RALYL: variants seen among roughly 807,000 people sequenced by gnomAD.
RALYL encodes the protein RALY RNA binding protein like.
RALYL carries 29 observed loss-of-function variants against 35.1 expected under a neutral mutation model. The ratio of observed to expected loss-of-function variants is 0.83; its 90% CI spans 0.61 to 1.13. The LOEUF is 1.13. Ranked by LOEUF, RALYL falls within the 50% of genes most tolerant of loss-of-function variation. The pLI is 0.00. For missense variants in RALYL, 359 were observed against 360.4 expected (o/e 1.00, Z 0.03); for synonymous variants, 120 against 127.6 (o/e 0.94, Z 0.40).
intron 2 of RALYL, among the ~76,000 whole-genome samples, chr8:84,543,213 C>T (rs2060129725): frequency 6.6e-6 from 1 of 151,422 alleles, no homozygotes; most frequent in Non-Finnish European, 1.5e-5. Context: ...ATTTTCTCTC[C>T]TTTTTTGGTG....
chr8:84,722,617 T>TTATATATATATATATA (rs71823678), intron 2 of RALYL, among the ~76,000 whole-genome samples: 60 of 97,330 alleles, frequency 6.2e-4, no homozygotes, highest in African/African-American at 2.4e-3. Flanking sequence ...TAGAGTGATT[T>TTATATATATATATATA]TATATATATA....
At chr8:84,696,442 C>A (rs1187726868) in intron 2 of RALYL, among the ~76,000 whole-genome samples, 1 of 151,772 alleles carries the variant, frequency 6.6e-6, no homozygotes, top group Non-Finnish European at 1.5e-5. Context: ...ACAAACGTTT[C>A]TTTAAATGGT....
chr8:84,494,169 C>T (rs1296042231), intron 1 of RALYL, among the ~76,000 whole-genome samples: 2 of 152,064 alleles, frequency 1.3e-5, no homozygotes, highest in African/African-American at 4.8e-5. Flanking sequence ...GAATCCTTTC[C>T]CCATTGCTTG....
intron 2 of RALYL, among the ~76,000 whole-genome samples, chr8:84,537,414 C>T (rs2059689226): frequency 6.7e-6 from 1 of 149,918 alleles, no homozygotes; most frequent in South Asian, 2.1e-4. Context: ...AGGTAGCGGG[C>T]TACAGTGAGC....
chr8:84,590,827 T>G (rs984849506), intron 2 of RALYL, among the ~76,000 whole-genome samples: 4 of 152,286 alleles, frequency 2.6e-5, no homozygotes, highest in South Asian at 2.1e-4. Context: ...TTATATGACT[T>G]CTAAGCTGTC....
chr8:84,432,771 G>A (rs760831026), intron 1 of RALYL, among the ~76,000 whole-genome samples: 10 of 152,192 alleles, frequency 6.6e-5, no homozygotes, highest in Middle Eastern at 3.4e-3. Flanking sequence ...GAATTATAAA[G>A]TTGCAATCCA....
intron 1 of RALYL, among the ~76,000 whole-genome samples, chr8:84,375,155 G>A (rs1304457619): frequency 6.6e-6 from 1 of 151,828 alleles, no homozygotes; most frequent in Non-Finnish European, 1.5e-5. Flanking sequence ...ATCACCTCAA[G>A]CATTTATGCT....
At chr8:84,504,035 A>C (rs1673312741) in intron 1 of RALYL, among the ~76,000 whole-genome samples, 1 of 152,092 alleles carries the variant, frequency 6.6e-6, no homozygotes, top group Non-Finnish European at 1.5e-5. Flanking sequence ...TGGGAATATA[A>C]ATTCCTTGCA....
intron 2 of RALYL, among the ~76,000 whole-genome samples, chr8:84,662,423 T>C (rs535367435): frequency 6.6e-6 from 1 of 152,350 alleles, no homozygotes; most frequent in East Asian, 1.9e-4. Flanking sequence ...ATAATGATTT[T>C]ATGAAATTAA....
At chr8:84,334,855 C>T (rs983031766) in intron 1 of RALYL, among the ~76,000 whole-genome samples, 1 of 152,114 alleles carries the variant, frequency 6.6e-6, no homozygotes, top group Non-Finnish European at 1.5e-5. Context: ...AGTCCAGTCC[C>T]ATTTAGAGTC....
intron 4 of RALYL, among the ~76,000 whole-genome samples, chr8:84,838,579 A>G (rs530495546): frequency 1.8e-4 from 28 of 152,316 alleles, no homozygotes; most frequent in African/African-American, 6.7e-4. Flanking sequence ...TTTTATTTTT[A>G]ACTTTGACAG....
chr8:84,683,820 G>C (rs1036096898), intron 2 of RALYL, among the ~76,000 whole-genome samples: 1 of 152,134 alleles, frequency 6.6e-6, no homozygotes, highest in African/African-American at 2.4e-5. Context: ...CTGAGTTGCT[G>C]GGATTATAGG....
At chr8:84,367,312 T>G (rs1317039062) in intron 1 of RALYL, among the ~76,000 whole-genome samples, 1 of 114,022 alleles carries the variant, frequency 8.8e-6, no homozygotes, top group Non-Finnish European at 1.7e-5. Flanking sequence ...CCCAACTAAT[T>G]TTTGTATTTT....
intron 1 of RALYL, among the ~76,000 whole-genome samples, chr8:84,220,366 A>G (rs929872763): frequency 5.9e-5 from 9 of 152,072 alleles, no homozygotes; most frequent in African/African-American, 1.9e-4. Flanking sequence ...ATTAAAGGCC[A>G]GTCCTTATAT....
intron 1 of RALYL, among the ~76,000 whole-genome samples, chr8:84,358,164 C>A (rs1852240100): frequency 6.6e-6 from 1 of 151,762 alleles, no homozygotes; most frequent in Non-Finnish European, 1.5e-5. Context: ...TATGATTAGG[C>A]ATATTTTATT....
chr8:84,400,888 A>G (rs1458087420), intron 1 of RALYL, among the ~76,000 whole-genome samples: 1 of 152,206 alleles, frequency 6.6e-6, no homozygotes, highest in Non-Finnish European at 1.5e-5. Context: ...TTTAATAAGG[A>G]AATACATTTT....
chr8:84,703,872 T>G (rs1840658401), intron 2 of RALYL, among the ~76,000 whole-genome samples: 1 of 152,194 alleles, frequency 6.6e-6, no homozygotes, highest in South Asian at 2.1e-4. Context: ...AATATGGCTT[T>G]GTTCCTGTGA....
At chr8:84,214,638 T>C (rs1820335675) in intron 1 of RALYL, among the ~76,000 whole-genome samples, 1 of 151,956 alleles carries the variant, frequency 6.6e-6, no homozygotes, top group Admixed American at 6.6e-5. Context: ...CTGGCAAGAG[T>C]TAGTTGAGAC....
intron 1 of RALYL, among the ~76,000 whole-genome samples, chr8:84,525,111 G>A (rs2058777068): frequency 6.6e-6 from 1 of 151,200 alleles, no homozygotes; most frequent in South Asian, 2.1e-4. Context: ...AGTCACATGT[G>A]GTTATTGACT....
Sources: allele counts gnomAD v4.1 joint callset (sites outside exome capture counted in the v4.1 genomes callset), GRCh38; gene constraint gnomAD v4.1.1; transcripts MANE v1.5; gene names NCBI Gene and HGNC (gene_info 2026-07-23, HGNC 2026-07-21).